The following TBCK variants were observed in gnomAD, a reference collection of about 807,000 sequenced individuals.
TBCK encodes the protein TBC1 domain containing kinase.
Under a neutral mutation model 113.4 loss-of-function variants are expected in TBCK, and 99 were observed. The observed-to-expected ratio is 0.87, with a 90% confidence interval of 0.74 to 1.03. The LOEUF is 1.03. Ranked by LOEUF, TBCK falls within the 50% of genes least tolerant of loss-of-function variation. The probability of loss-of-function intolerance (pLI) is 0.00; values close to 1 mark genes in which losing one functional copy is unlikely to be tolerated. For synonymous variants in TBCK, 369 were observed against 370.8 expected (o/e 1.00, Z 0.05); for missense variants, 1,045 against 1,061.3 (o/e 0.98, Z 0.21).
At chr4:106,201,108 T>G (rs1754840173) in intron 20 of TBCK, among the ~76,000 whole-genome samples, 3 of 152,060 alleles carry the variant, frequency 2.0e-5, no homozygotes, top group African/African-American at 7.2e-5. Context: ...AAAGTAATAA[T>G]TAGTTCAAGT....
chr4:106,120,112 C>CTG (rs1744086569), intron 23 of TBCK, among the ~76,000 whole-genome samples: 2 of 152,140 alleles, frequency 1.3e-5, no homozygotes, highest in Non-Finnish European at 2.9e-5. Context: ...GGTGCGCGCA[C>CTG]CGTGCGCGAG....
In TBCK at chr4:106,283,524, G is replaced by A. The variant is rs57146559; in HGVS notation, c.266+11570C>T. ...TTGCACTAAAGATTGGAGATAACAG[G>A]GTTGAGCAAAAAGACATTTCAGTTT... On this transcript the variant is annotated intron_variant, in intron 3 of 25. Coordinates refer to ENST00000394708, the MANE Select transcript of TBCK (RefSeq NM_001163435.3). 1.6e-3 allele frequency among the ~76,000 whole-genome samples: 247 copies of A among 152,128 alleles called. 4 individuals carry two copies. In the East Asian group the frequency reaches 0.045, roughly 27 times the overall value.
intron 24 of TBCK, among the ~76,000 whole-genome samples, chr4:106,104,483 T>C (rs1004623948): frequency 2.0e-5 from 3 of 148,100 alleles, no homozygotes; most frequent in Non-Finnish European, 4.4e-5. Flanking sequence ...TGCAAACTGC[T>C]TTTTTAAGCA....
intron 20 of TBCK, 150 bp downstream of exon 20, chr4:106,212,600 A>G (rs554983378): frequency 2.7e-5 from 15 of 563,036 alleles, no homozygotes; most frequent in African/African-American, 2.7e-4. Flanking sequence ...AAGTAGCCAC[A>G]AACTTACTAA....
chr4:106,092,409 C>A (rs1487412729), intron 25 of TBCK, among the ~76,000 whole-genome samples: 2 of 152,252 alleles, frequency 1.3e-5, no homozygotes, highest in African/African-American at 2.4e-5. Context: ...CACTCCTCAG[C>A]CCTTGGGCAG....
intron 22 of TBCK, among the ~76,000 whole-genome samples, chr4:106,191,623 T>C (rs902408784): frequency 1.3e-5 from 2 of 152,178 alleles, no homozygotes; most frequent in Non-Finnish European, 2.9e-5. Context: ...ATTGAGATGT[T>C]AGGAGCAGGG....
At chr4:106,272,551 G>A (rs1470376826) in intron 3 of TBCK, among the ~76,000 whole-genome samples, 1 of 148,732 alleles carries the variant, frequency 6.7e-6, no homozygotes, top group Non-Finnish European at 1.5e-5. Flanking sequence ...GAGTGCAGAG[G>A]TGCGATCTTG....
intron 1 of TBCK, among the ~76,000 whole-genome samples, chr4:106,312,670 T>C (rs2125905561): frequency 6.6e-6 from 1 of 152,278 alleles, no homozygotes; most frequent in Admixed American, 6.5e-5. Context: ...AACTGTACTC[T>C]TAATAGCTAA....
rs115190539 is a variant in TBCK at position 106,300,872 on chromosome 4, G to A, written c.194-5706C>T. Among the ~76,000 whole-genome samples the A allele has an allele frequency of 7.2e-3, 1,091 of 152,202 alleles. 5 individuals carry two copies. The highest frequency in any genetic ancestry group is 0.011 in the Non-Finnish European group (742 of 68,002). ...TCCCAGCTACATGAGAGGCTGAGACGGGAGGATCACTTTAAGCCAGGAGTT... is the reference window on the plus strand; with the variant it reads ...TCCCAGCTACATGAGAGGCTGAGACAGGAGGATCACTTTAAGCCAGGAGTT... On this transcript the variant is annotated intron_variant, in intron 2 of 25. Transcript: ENST00000394708.
chr4:106,069,247 A>G (rs529300107), intron 25 of TBCK, among the ~76,000 whole-genome samples: 1 of 152,274 alleles, frequency 6.6e-6, no homozygotes, highest in African/African-American at 2.4e-5. Context: ...GGTATTGCCC[A>G]GGTTTTCTTC....
At chr4:106,203,716 G>A (rs902641914) in intron 20 of TBCK, among the ~76,000 whole-genome samples, 1 of 151,914 alleles carries the variant, frequency 6.6e-6, no homozygotes, top group Non-Finnish European at 1.5e-5. Flanking sequence ...TGGGAAAGAT[G>A]AGCTATTATT....
At chr4:106,051,234 A>C (rs956102647) in intron 25 of TBCK, among the ~76,000 whole-genome samples, 1 of 151,884 alleles carries the variant, frequency 6.6e-6, no homozygotes, top group African/African-American at 2.4e-5. Context: ...GGAATAACTC[A>C]CAGTAGCAGC....
intron 24 of TBCK, among the ~76,000 whole-genome samples, chr4:106,104,283 T>C (rs970242735): frequency 2.0e-5 from 3 of 152,152 alleles, no homozygotes. Context: ...TGGCTTGGGA[T>C]CCAGCCAGCT....
At chr4:106,230,496 A>T in intron 18 of TBCK, 50 bp from the exon 19 acceptor site, 1 of 1,147,362 alleles carries the variant, frequency 8.7e-7, no homozygotes, top group South Asian at 1.5e-5. Context: ...AACAGGGTAG[A>T]TGACCATCAG....
intron 14 of TBCK, 139 bp from the exon 15 acceptor site, chr4:106,235,506 T>C (rs568821994): frequency 4.0e-6 from 2 of 494,194 alleles, no homozygotes; most frequent in East Asian, 6.7e-5. Flanking sequence ...TTGTGTCTGG[T>C]GTTATTAATA....
intron 22 of TBCK, among the ~76,000 whole-genome samples, chr4:106,174,697 G>C (rs1751434440): frequency 6.6e-6 from 1 of 151,950 alleles, no homozygotes; most frequent in Admixed American, 6.6e-5. Context: ...TGAACTTCCT[G>C]AATTTAATTT....
chr4:106,057,893 C>A, intron 25 of TBCK, among the ~76,000 whole-genome samples: 1 of 151,834 alleles, frequency 6.6e-6, no homozygotes, highest in Admixed American at 6.6e-5. Context: ...GGGACTATAT[C>A]TTTTTCATTT....
chr4:106,155,764 C>T (rs1749051712), intron 23 of TBCK, among the ~76,000 whole-genome samples: 1 of 152,058 alleles, frequency 6.6e-6, no homozygotes, highest in South Asian at 2.1e-4. Context: ...TGAAATTTAT[C>T]TGGTAGAATT....
intron 2 of TBCK, among the ~76,000 whole-genome samples, chr4:106,299,464 TA>T (rs1180619771): frequency 5.9e-5 from 9 of 152,210 alleles, no homozygotes; most frequent in Non-Finnish European, 1.2e-4. Flanking sequence ...CTGGCACAAC[TA>T]AAATTTTTCA....
Sources: gnomAD v4.1 joint callset for allele counts (sites outside exome capture counted in the v4.1 genomes callset) on GRCh38, gnomAD v4.1.1 for gene constraint, MANE v1.5 for transcripts, NCBI Gene and HGNC (gene_info 2026-07-23, HGNC 2026-07-21) for gene names.